PTCD3: variants seen among roughly 807,000 people sequenced by gnomAD.
The protein encoded by PTCD3 is small ribosomal subunit protein mS39.
In PTCD3, 89 loss-of-function variants were observed where a neutral mutation model predicts 101.9. That is an observed-to-expected ratio of 0.87 (90% CI 0.74 to 1.04). PTCD3 has a LOEUF of 1.04. Among genes scored for constraint, PTCD3 ranks in the 50% least tolerant of loss-of-function variants. The pLI, the probability that PTCD3 is intolerant of heterozygous loss-of-function variation, is 0.00. For synonymous variants in PTCD3, 296 were observed against 278.5 expected, an observed-to-expected ratio of 1.06 and a Z score of -0.63; for missense variants, 870 against 828.2, an observed-to-expected ratio of 1.05 and a Z score of -0.62.
At chr2:86,121,949 T>G (rs1479119233) in intron 8 of PTCD3, among the ~76,000 whole-genome samples, 1 of 152,200 alleles carries the variant, frequency 6.6e-6, no homozygotes, top group Non-Finnish European at 1.5e-5. Context: ...TACGTGGACT[T>G]AGAGGAGAGA....
intron 6 of PTCD3, among the ~76,000 whole-genome samples, chr2:86,117,942 A>C (rs1674205200): frequency 6.6e-6 from 1 of 151,878 alleles, no homozygotes; most frequent in African/African-American, 2.4e-5. Context: ...GCACCTGGCT[A>C]ATTTTTATAG....
At chr2:86,134,503 A>T (rs1030703595) in intron 20 of PTCD3, 126 bp downstream of exon 20, 1 of 735,318 alleles carries the variant, frequency 1.4e-6, no homozygotes. Flanking sequence ...GTGATGATAC[A>T]TCTAAACATA....
intron 7 of PTCD3, among the ~76,000 whole-genome samples, chr2:86,121,269 A>G (rs193171553): frequency 8.5e-5 from 13 of 152,338 alleles, no homozygotes; most frequent in Admixed American, 7.2e-4. Context: ...CCAATCTTCT[A>G]CGTCAAATTA....
Position 86,137,119 on chromosome 2 carries a change from T to C in PTCD3, c.1958T>C (p.Phe653Ser). The change falls in exon 23 of 24, where the codon TTT becomes TCT. Residue 653 changes from phenylalanine to serine, a missense_variant. Phe to Ser is a radical substitution (Grantham distance 155). Transcript: ENST00000254630. Reference sequence around the variant, plus strand: ...CTCACCCAGAGAGTAATGAGTGATTTTGCAATCAACCAGGAACAAAAGTAA... The same window carrying C: ...CTCACCCAGAGAGTAATGAGTGATTCTGCAATCAACCAGGAACAAAAGTAA... ...EGLTQRVMSD[F>S]AINQEQKEAL... is the part of the protein sequence containing the mutation. 1 of 1,591,112 alleles carries C rather than the reference T, an allele frequency of 6.3e-7. No homozygotes were observed. The highest frequency in any genetic ancestry group is 1.8e-5 in the Admixed American group (1 of 54,762).
intron 23 of PTCD3, 101 bp downstream of exon 23, chr2:86,137,241 A>T: frequency 7.1e-7 from 1 of 1,400,176 alleles, no homozygotes; most frequent in South Asian, 1.5e-5. Flanking sequence ...TTTCCTTTCA[A>T]AAAGTCAGAA....
chr2:86,116,639 G>A (rs376423358), intron 5 of PTCD3, 41 bp downstream of exon 5: 1 of 1,448,384 alleles, frequency 6.9e-7, no homozygotes, highest in Non-Finnish European at 9.7e-7. Flanking sequence ...TTATCTCTCT[G>A]GTTTGCGTAC....
intron 4 of PTCD3, among the ~76,000 whole-genome samples, chr2:86,111,505 G>A (rs1324846657): frequency 3.3e-5 from 5 of 151,746 alleles, no homozygotes; most frequent in East Asian, 2.0e-4. Flanking sequence ...GGAGAATGGC[G>A]TGAACCCAGG....
At chr2:86,133,293 A>T (rs200814656) in intron 18 of PTCD3, 37 bp downstream of exon 18, 1 of 1,613,774 alleles carries the variant, frequency 6.2e-7, no homozygotes, top group Non-Finnish European at 8.5e-7. Flanking sequence ...ATCATTCTAG[A>T]TGAATTGGGT....
intron 4 of PTCD3, among the ~76,000 whole-genome samples, chr2:86,112,479 G>A (rs1674107061): frequency 6.6e-6 from 1 of 151,322 alleles, no homozygotes; most frequent in Non-Finnish European, 1.5e-5. Flanking sequence ...TCAGGAGTTC[G>A]ATACCAGCAT....
intron 11 of PTCD3, 91 bp downstream of exon 11, chr2:86,125,606 C>G: frequency 7.6e-7 from 1 of 1,314,448 alleles, no homozygotes; most frequent in Non-Finnish European, 1.1e-6. Context: ...AGTCATTGGC[C>G]TACACTTTAC....
intron 11 of PTCD3, 68 bp from the exon 12 acceptor site, chr2:86,125,727 T>A (rs1674370958): frequency 8.0e-6 from 10 of 1,243,246 alleles, no homozygotes; most frequent in Non-Finnish European, 1.2e-5. Flanking sequence ...AATGACTGCT[T>A]TGCCTTAAAC....
chr2:86,120,080 G>A (rs2104453112), intron 7 of PTCD3, among the ~76,000 whole-genome samples: 1 of 152,322 alleles, frequency 6.6e-6, no homozygotes, highest in African/African-American at 2.4e-5. Flanking sequence ...GAATTTTGGT[G>A]TGTGGCTTGG....
At chr2:86,111,272 G>T (rs1231705361) in intron 4 of PTCD3, 114 bp downstream of exon 4, 1 of 1,003,372 alleles carries the variant, frequency 1.0e-6, no homozygotes, top group Non-Finnish European at 1.5e-6. Flanking sequence ...GAATTAAACT[G>T]TTGTGCGTCT....
intron 11 of PTCD3, 133 bp from the exon 12 acceptor site, chr2:86,125,662 G>A (rs4618054): frequency 0.79 from 857,764 of 1,080,192 alleles, 353,508 homozygotes; most frequent in Non-Finnish European, 0.84. Flanking sequence ...GAGATCCAGA[G>A]AGGAGAGTAG....
intron 4 of PTCD3, among the ~76,000 whole-genome samples, chr2:86,113,576 C>T (rs1028180490): frequency 2.0e-5 from 3 of 152,024 alleles, no homozygotes; most frequent in Non-Finnish European, 4.4e-5. Context: ...GAGGTCAAGG[C>T]GGGTGGATCC....
chr2:86,109,972 A>G (rs1674044894), intron 3 of PTCD3, among the ~76,000 whole-genome samples: 1 of 152,186 alleles, frequency 6.6e-6, no homozygotes, highest in South Asian at 2.1e-4. Flanking sequence ...TACAAATACC[A>G]AATTCATCGT....
At chr2:86,107,295 T>A (rs1009288857) in intron 1 of PTCD3, 2 of 460,258 alleles carry the variant, frequency 4.3e-6, no homozygotes, top group Non-Finnish European at 9.0e-6. Context: ...ATCTCTGTTT[T>A]AAGGTCATGA....
chr2:86,121,822 A>G (rs1324686248), intron 8 of PTCD3, among the ~76,000 whole-genome samples: 5 of 152,224 alleles, frequency 3.3e-5, no homozygotes, highest in African/African-American at 1.2e-4. Context: ...CACCTACTTC[A>G]TATTAAGGCA....
intron 7 of PTCD3, among the ~76,000 whole-genome samples, chr2:86,120,442 G>GAAGGTAATTAT (rs774376830): frequency 1.6e-4 from 24 of 150,726 alleles, no homozygotes; most frequent in Admixed American, 3.9e-4. Flanking sequence ...ATAATCTTAT[G>GAAGGTAATTAT]AAGGTAATTA....
Sources: allele counts gnomAD v4.1 joint callset (sites outside exome capture counted in the v4.1 genomes callset), GRCh38; gene constraint gnomAD v4.1.1; transcripts MANE v1.5; gene names NCBI Gene and HGNC (gene_info 2026-07-23, HGNC 2026-07-21).